The following ITGAE variants were observed in gnomAD, a reference collection of about 807,000 sequenced individuals.
The protein encoded by ITGAE is integrin subunit alpha E.
ITGAE carries 99 observed loss-of-function variants against 136.5 expected under a neutral mutation model. The ratio of observed to expected loss-of-function variants is 0.73; its 90% CI spans 0.62 to 0.86. ITGAE has a LOEUF of 0.86. Ranked by LOEUF, ITGAE falls within the 40% of genes least tolerant of loss-of-function variation. The probability of loss-of-function intolerance (pLI) is 0.00; values close to 1 mark genes in which losing one functional copy is unlikely to be tolerated. For missense variants in ITGAE, 1,447 were observed against 1,515.3 expected (o/e 0.95, Z 0.75); for synonymous variants, 613 against 591.8 (o/e 1.04, Z -0.52).
chr17:3,729,607 GCTT>G, intron 23 of ITGAE, 52 bp from the exon 24 acceptor site: 6 of 1,196,724 alleles, frequency 5.0e-6, no homozygotes, highest in Non-Finnish European at 7.5e-6. Flanking sequence ...CATAGCAAGT[GCTT>G]CTTAAAAAGG....
chr17:3,759,900 T>A (rs2052123010), intron 7 of ITGAE, among the ~76,000 whole-genome samples: 1 of 152,118 alleles, frequency 6.6e-6, no homozygotes. Context: ...CCTCTTAGAA[T>A]GTTGCTGCCA....
intron 6 of ITGAE, 99 bp from the exon 7 acceptor site, chr17:3,760,386 A>G (rs2052136484): frequency 2.4e-6 from 1 of 418,168 alleles, no homozygotes; most frequent in Non-Finnish European, 4.4e-6. Context: ...CCTGACAACC[A>G]GCTCAGTTCA....
In ITGAE at chr17:3,753,391, T is replaced by C. The variant is rs370924740; in HGVS notation, c.1567A>G (p.Ile523Val). The C allele has an allele frequency of 1.4e-5, 23 of 1,614,058 alleles. No homozygotes were observed. In the South Asian group the frequency reaches 1.9e-4, roughly 13 times the overall value. ...YFGSELCPVD[I>V]DMDGSTDFLL... ...AAGTCCGTGCTTCCATCCATGTCAA[T>C]GTCCACAGGGCACAGCTCAGAGCCA... Residue 523 changes from isoleucine (I) to valine (V), a missense_variant, in exon 14 of 31, where the codon ATT becomes GTT. Physicochemically the swap from Ile to Val is conservative, Grantham distance 29. Coordinates refer to ENST00000263087, the MANE Select transcript of ITGAE (RefSeq NM_002208.5).
chr17:3,747,418 T>C (rs1287061077), intron 17 of ITGAE, among the ~76,000 whole-genome samples: 3 of 151,992 alleles, frequency 2.0e-5, no homozygotes, highest in Non-Finnish European at 4.4e-5. Context: ...CCTGGGTTCA[T>C]GCTATTCTCC....
intron 7 of ITGAE, among the ~76,000 whole-genome samples, chr17:3,759,792 C>T (rs1027953924): frequency 1.3e-5 from 2 of 152,292 alleles, no homozygotes; most frequent in East Asian, 1.9e-4. Context: ...TCCATACTGA[C>T]GATGGGATTG....
At chr17:3,756,504 T>C (rs1291974411) in intron 10 of ITGAE, among the ~76,000 whole-genome samples, 1 of 149,854 alleles carries the variant, frequency 6.7e-6, no homozygotes, top group African/African-American at 2.5e-5. Context: ...TGGGTTCGAG[T>C]GATTCTTCTG....
At chr17:3,792,145 G>A (rs549600904) in intron 1 of ITGAE, among the ~76,000 whole-genome samples, 1 of 152,156 alleles carries the variant, frequency 6.6e-6, no homozygotes, top group South Asian at 2.1e-4. Flanking sequence ...TTTTTGAGAT[G>A]GAGTCTGGCC....
intron 1 of ITGAE, among the ~76,000 whole-genome samples, chr17:3,784,177 G>A (rs1211250975): frequency 7.2e-5 from 11 of 151,902 alleles, no homozygotes; most frequent in African/African-American, 1.2e-4. Flanking sequence ...GGAGAATGGC[G>A]TGAACCCGGG....
At chr17:3,774,860 A>G (rs2052504021) in intron 2 of ITGAE, among the ~76,000 whole-genome samples, 2 of 152,200 alleles carry the variant, frequency 1.3e-5, no homozygotes, top group Non-Finnish European at 2.9e-5. Flanking sequence ...CCTTTCCACC[A>G]GAGCTTCTCC....
intron 1 of ITGAE, among the ~76,000 whole-genome samples, chr17:3,795,003 A>C (rs911043635): frequency 1.3e-5 from 2 of 152,278 alleles, no homozygotes; most frequent in East Asian, 3.9e-4. Flanking sequence ...TCCACCCAGC[A>C]GGCCTGCTCA....
At chr17:3,786,501 C>T (rs968462059) in intron 1 of ITGAE, among the ~76,000 whole-genome samples, 1 of 152,164 alleles carries the variant, frequency 6.6e-6, no homozygotes, top group Non-Finnish European at 1.5e-5. Context: ...CCAGCAAGCA[C>T]AATAAATGAA....
rs555172128 is a variant in ITGAE, at chr17:3,723,581, C to A, written c.3141+107G>T. 5.0e-5 allele frequency: 62 copies of A among 1,242,298 alleles called. 2 individuals are homozygous for A. The South Asian group carries it at 8.0e-4, about 16-fold the overall frequency. 77.0% of individuals were successfully genotyped at this position (1,242,298 alleles called of 1,614,324 possible). A position where few individuals can be genotyped will look rare whatever the true frequency, so the allele number is the denominator to read the frequency against. The stretch of plus-strand genomic sequence containing the variant: ...GAAGCTAGGGAGGGCCTGGCAGCCC[C>A]CGGCACTGGCCGGCAGGGGTAACCC... On this transcript the variant is annotated intron_variant, in intron 27 of 30. Coordinates refer to ENST00000263087, the MANE Select transcript of ITGAE (RefSeq NM_002208.5).
rs1472125471 is a variant in ITGAE, at chr17:3,753,980, C to T, written c.1385-55G>A. 1.0e-5 allele frequency: 16 copies of T among 1,579,986 alleles called. No homozygotes were observed. In the South Asian group the frequency reaches 1.8e-4, roughly 18 times the overall value. ...CACCGTGTGCTCCCACCTGGCCTCT[C>T]TCTTGGCCCCGGCACCTTCCCAGTC... On this transcript the variant is annotated intron_variant, in intron 12 of 30. Coordinates refer to ENST00000263087, the MANE Select transcript of ITGAE (RefSeq NM_002208.5).
intron 29 of ITGAE, among the ~76,000 whole-genome samples, chr17:3,719,366 T>A (rs2051006409): frequency 6.6e-6 from 1 of 152,182 alleles, no homozygotes; most frequent in Admixed American, 6.5e-5. Flanking sequence ...ACAGAGGACC[T>A]TATATTTAGC....
chr17:3,748,383 C>T (rs958745207), intron 16 of ITGAE, among the ~76,000 whole-genome samples: 14 of 152,112 alleles, frequency 9.2e-5, no homozygotes, highest in African/African-American at 3.1e-4. Context: ...GTCAGGGGTT[C>T]GAGACCAGCC....
At chr17:3,727,243 A>G (rs2051234067) in intron 26 of ITGAE, among the ~76,000 whole-genome samples, 1 of 152,144 alleles carries the variant, frequency 6.6e-6, no homozygotes, top group African/African-American at 2.4e-5. Flanking sequence ...CAAAGCAGAG[A>G]CCAAAAAAGA....
intron 26 of ITGAE, chr17:3,726,639 T>G: frequency 3.3e-6 from 1 of 302,214 alleles, no homozygotes; most frequent in Non-Finnish European, 6.1e-6. Context: ...TCTAGCCTGG[T>G]CAACATAGCA....
At chr17:3,756,129 A>G (rs76101316) in intron 10 of ITGAE, among the ~76,000 whole-genome samples, 7 of 151,196 alleles carry the variant, frequency 4.6e-5, no homozygotes, top group Non-Finnish European at 1.0e-4. Flanking sequence ...AGAAGGGACT[A>G]TGCCCCAGCC....
At chr17:3,794,517 C>CT (rs916808910) in intron 1 of ITGAE, among the ~76,000 whole-genome samples, 1 of 152,176 alleles carries the variant, frequency 6.6e-6, no homozygotes, top group African/African-American at 2.4e-5. Context: ...ATCTCAGGGC[C>CT]TGGCATGGTG....
Sources: gnomAD v4.1 joint callset for allele counts (sites outside exome capture counted in the v4.1 genomes callset) on GRCh38, gnomAD v4.1.1 for gene constraint, MANE v1.5 for transcripts, NCBI Gene and HGNC (gene_info 2026-07-23, HGNC 2026-07-21) for gene names.